The following CNTNAP2 variants were observed in gnomAD, a reference collection of about 807,000 sequenced individuals.
CNTNAP2 encodes the protein contactin associated protein 2.
CNTNAP2 carries 98 observed loss-of-function variants against 155.2 expected under a neutral mutation model. The observed-to-expected ratio is 0.63, with a 90% CI of 0.54 to 0.75. The LOEUF (loss-of-function observed/expected upper bound fraction) is 0.75. Among genes scored for constraint, CNTNAP2 ranks in the 30% least tolerant of loss-of-function variants. The pLI, the probability that CNTNAP2 is intolerant of heterozygous loss-of-function variation, is 0.00. For missense variants in CNTNAP2, 1,727 were observed against 1,688.1 expected (o/e 1.02, Z -0.40); for synonymous variants, 651 against 631.2 (o/e 1.03, Z -0.47).
chr7:147,601,645 ATATATATATAT>A (rs377294209), intron 12 of CNTNAP2, among the ~76,000 whole-genome samples: 1 of 128,256 alleles, frequency 7.8e-6, no homozygotes, highest in Non-Finnish European at 1.6e-5. Context: ...TTAAAAAAAA[ATATATATATAT>A]ATATATATAT....
intron 1 of CNTNAP2, among the ~76,000 whole-genome samples, chr7:146,619,643 T>C (rs1370170287): frequency 6.6e-6 from 1 of 152,216 alleles, no homozygotes; most frequent in Non-Finnish European, 1.5e-5. Flanking sequence ...TCCAGGTGTC[T>C]ATTCAGTTTT....
intron 13 of CNTNAP2, among the ~76,000 whole-genome samples, chr7:147,786,118 C>T (rs762290253): frequency 5.3e-5 from 8 of 152,052 alleles, no homozygotes; most frequent in Non-Finnish European, 1.0e-4. Context: ...GGTGAAACCC[C>T]GTCTCTACTA....
At chr7:146,517,440 T>C (rs1247753508) in intron 1 of CNTNAP2, among the ~76,000 whole-genome samples, 1 of 151,726 alleles carries the variant, frequency 6.6e-6, no homozygotes, top group Non-Finnish European at 1.5e-5. Context: ...TGGAGAAGAG[T>C]AATCTAGCAC....
intron 1 of CNTNAP2, among the ~76,000 whole-genome samples, chr7:146,715,123 G>A (rs896214904): frequency 5.9e-5 from 9 of 152,112 alleles, no homozygotes; most frequent in Admixed American, 5.9e-4. Flanking sequence ...CTGAGGTCAC[G>A]AGTTCGAGAG....
intron 21 of CNTNAP2, among the ~76,000 whole-genome samples, chr7:148,367,199 C>G (rs1252374169): frequency 6.6e-6 from 1 of 151,914 alleles, no homozygotes; most frequent in Middle Eastern, 3.4e-3. Flanking sequence ...CCACTGCACT[C>G]CAGCCTGGTG....
At chr7:147,046,986 T>G (rs888567245) in intron 4 of CNTNAP2, among the ~76,000 whole-genome samples, 1 of 138,926 alleles carries the variant, frequency 7.2e-6, no homozygotes, top group Non-Finnish European at 1.5e-5. Flanking sequence ...GAGCCAAGAT[T>G]GCACCACTGT....
At chr7:147,940,932 C>T (rs552799154) in intron 14 of CNTNAP2, among the ~76,000 whole-genome samples, 6 of 152,296 alleles carry the variant, frequency 3.9e-5, no homozygotes, top group East Asian at 1.9e-4. Flanking sequence ...TTTGAAGCAA[C>T]TAGTATAAAA....
At chr7:147,698,820 CCTAAAATGCTGGGATTGCTGGTG>C (rs1465152447) in intron 13 of CNTNAP2, among the ~76,000 whole-genome samples, 8 of 152,238 alleles carry the variant, frequency 5.3e-5, no homozygotes, top group African/African-American at 1.9e-4. Context: ...GCCTCAGCCT[CCTAAAATGCTGGGATTGCTGGTG>C]TGAGCACATT....
At chr7:147,807,322 C>CAAAAAAAA (rs768465391) in intron 13 of CNTNAP2, among the ~76,000 whole-genome samples, 7 of 64,774 alleles carry the variant, frequency 1.1e-4, no homozygotes, top group African/African-American at 3.1e-4. Context: ...GTCCTTGACT[C>CAAAAAAAA]AAAAAAAAAA....
rs190592881 is a variant in CNTNAP2, at chr7:146,120,513, T to C, written c.97+3540T>C. Among the ~76,000 whole-genome samples, 55 of 152,362 alleles carry C rather than the reference T, an allele frequency of 3.6e-4. No homozygotes were observed. In the East Asian group the frequency reaches 8.5e-3, roughly 24 times the overall value. ...ATTTAATTTAGGTCTTATTAACCTT[T>C]ATGCAGTTATAAACCTACAACGTAT... On this transcript the variant is annotated intron_variant, in intron 1 of 23. Coordinates refer to ENST00000361727, the MANE Select transcript of CNTNAP2 (RefSeq NM_014141.6).
intron 3 of CNTNAP2, among the ~76,000 whole-genome samples, chr7:146,914,882 A>C (rs2129218284): frequency 6.6e-6 from 1 of 151,926 alleles, no homozygotes; most frequent in South Asian, 2.1e-4. Flanking sequence ...TTGGTCATGA[A>C]GTCTTTGCCT....
intron 14 of CNTNAP2, among the ~76,000 whole-genome samples, chr7:147,961,890 G>A (rs1328625031): frequency 6.6e-6 from 1 of 152,124 alleles, no homozygotes; most frequent in Non-Finnish European, 1.5e-5. Flanking sequence ...ATTATTCAAA[G>A]GGGGTAACAA....
intron 15 of CNTNAP2, among the ~76,000 whole-genome samples, chr7:148,051,617 G>C (rs1305188195): frequency 6.6e-6 from 1 of 152,028 alleles, no homozygotes; most frequent in Non-Finnish European, 1.5e-5. Flanking sequence ...TAAATGAACG[G>C]GGATCCTGCA....
At chr7:148,025,901 C>G (rs185564329) in intron 15 of CNTNAP2, among the ~76,000 whole-genome samples, 3 of 152,232 alleles carry the variant, frequency 2.0e-5, no homozygotes, top group Non-Finnish European at 4.4e-5. Flanking sequence ...TATTAAGATG[C>G]ATATGTGGCT....
At chr7:148,220,905 G>A (rs1795737375) in intron 19 of CNTNAP2, among the ~76,000 whole-genome samples, 1 of 152,072 alleles carries the variant, frequency 6.6e-6, no homozygotes, top group South Asian at 2.1e-4. Flanking sequence ...CTCCCACTGG[G>A]CAGATAAGAA....
intron 11 of CNTNAP2, among the ~76,000 whole-genome samples, chr7:147,556,970 G>A (rs1163625429): frequency 6.6e-6 from 1 of 152,124 alleles, no homozygotes; most frequent in Non-Finnish European, 1.5e-5. Context: ...TTTAGTGGCT[G>A]GGCACAGTGG....
intron 1 of CNTNAP2, among the ~76,000 whole-genome samples, chr7:146,631,204 A>G (rs923030638): frequency 1.3e-5 from 2 of 152,180 alleles, no homozygotes; most frequent in Non-Finnish European, 2.9e-5. Flanking sequence ...ACTGGTACCA[A>G]AACAGAAATA....
Position 146,630,894 on chromosome 7 carries a change from C to T in CNTNAP2, c.98-143377C>T, listed in dbSNP as rs542209145. Among the ~76,000 whole-genome samples the T allele has an allele frequency of 5.9e-5, 9 of 151,906 alleles. No homozygotes were observed. In the South Asian group the frequency reaches 6.3e-4, roughly 11 times the overall value. ...TCAAGGAGTATTACAAACCACTGCT[C>T]AAGGAAATAAGAGAGAACACAAACA... On this transcript the variant is annotated intron_variant, in intron 1 of 23. Transcript: ENST00000361727.
rs1274278606 is a variant in CNTNAP2, at chr7:148,331,194, C to T, written c.3476-52455C>T. ...GGAATGGATGGATGGAATGGATGGA[C>T]GGATGGAGTGGATGGATGGAATGGA... On this transcript the variant is annotated intron_variant, in intron 21 of 23. Coordinates refer to ENST00000361727, the MANE Select transcript of CNTNAP2 (RefSeq NM_014141.6). 3.5e-3 allele frequency among the ~76,000 whole-genome samples: 316 copies of T among 90,748 alleles called. 6 individuals carry two copies. Among genetic ancestry groups the T allele is most frequent in the African/African-American group, 0.013 (286 of 22,412 alleles). 59.5% of individuals were successfully genotyped at this position (90,748 alleles called of 152,430 possible). A position where few individuals can be genotyped will look rare whatever the true frequency, so the allele number is the denominator to read the frequency against.
Sources: allele counts gnomAD v4.1 joint callset (sites outside exome capture counted in the v4.1 genomes callset), GRCh38; gene constraint gnomAD v4.1.1; transcripts MANE v1.5; gene names NCBI Gene and HGNC (gene_info 2026-07-23, HGNC 2026-07-21).